The following FAM13B variants were observed in gnomAD, a reference collection of about 807,000 sequenced individuals.
FAM13B encodes the protein protein FAM13B.
In FAM13B, 60 loss-of-function variants were observed where a neutral mutation model predicts 117.3. The ratio of observed to expected loss-of-function variants is 0.51; its 90% CI spans 0.42 to 0.63. The LOEUF is 0.63. Ranked by LOEUF, FAM13B falls within the 30% of genes least tolerant of loss-of-function variation. The pLI, the probability that FAM13B is intolerant of heterozygous loss-of-function variation, is 0.00. For synonymous variants in FAM13B, 332 were observed against 356.1 expected, an observed-to-expected ratio of 0.93 and a Z score of 0.76; for missense variants, 972 against 1,091.9, an observed-to-expected ratio of 0.89 and a Z score of 1.55.
chr5:137,964,780 T>C (rs1769198848), intron 10 of FAM13B, among the ~76,000 whole-genome samples: 1 of 152,130 alleles, frequency 6.6e-6, no homozygotes, highest in Non-Finnish European at 1.5e-5. Context: ...GCCCTAGCTC[T>C]GCCTTTCTCA....
rs556199457 is a variant in FAM13B, at chr5:138,050,432, C to T, written c.-203+1446G>A. Among the ~76,000 whole-genome samples the T allele has an allele frequency of 7.2e-5, 9 of 125,030 alleles. No homozygotes were observed. In the South Asian group the frequency reaches 1.7e-3, roughly 23 times the overall value. 82.0% of individuals were successfully genotyped at this position (125,030 alleles called of 152,430 possible). A position where few individuals can be genotyped will look rare whatever the true frequency, so the allele number is the denominator to read the frequency against. On this transcript the variant is annotated intron_variant, in intron 1 of 3. Transcript: ENST00000502471. ...AGCCTAGGCAACAAGAATGAAACTC[C>T]GTCTCAAAACAAACAAACAAACAAA... is the stretch of plus-strand genomic sequence containing the variant.
At chr5:138,031,603 T>C (rs1790030684) in intron 1 of FAM13B, among the ~76,000 whole-genome samples, 1 of 151,734 alleles carries the variant, frequency 6.6e-6, no homozygotes, top group South Asian at 2.1e-4. Flanking sequence ...GAGAATCGCT[T>C]GAATCCGGGA....
At chr5:137,990,654 T>C (rs1025767310) in intron 7 of FAM13B, among the ~76,000 whole-genome samples, 1 of 151,972 alleles carries the variant, frequency 6.6e-6, no homozygotes, top group African/African-American at 2.4e-5. Context: ...TAACTAGATA[T>C]ACAAGTTTAA....
chr5:137,966,795 C>T (rs913516405), intron 10 of FAM13B, among the ~76,000 whole-genome samples: 1 of 152,084 alleles, frequency 6.6e-6, no homozygotes, highest in Admixed American at 6.5e-5. Context: ...GAGAAACACA[C>T]TCAACTGATT....
In FAM13B at chr5:138,043,579, A is replaced by G. The variant is rs559354043; in HGVS notation, c.-203+8299T>C. ...CTCAGCCTCCCAAGTAGCTGGGACT[A>G]CAGGCGCACGCCACCACGCCCGGCT... On this transcript the variant is annotated intron_variant, in intron 1 of 3. Coordinates refer to the FAM13B transcript ENST00000502471. Among the ~76,000 whole-genome samples, 358 of 151,726 alleles carry G rather than the reference A, an allele frequency of 2.4e-3. 1 individual carries two copies. The highest frequency in any genetic ancestry group is 8.3e-3 in the African/African-American group (342 of 41,354).
Position 137,942,825 on chromosome 5 carries a change from T to A in FAM13B, c.2588+50A>T, listed in dbSNP as rs565529373. On this transcript the variant is annotated intron_variant, in intron 22 of 23. Coordinates refer to ENST00000689681, the MANE Select transcript of FAM13B (RefSeq NM_001385994.1). The stretch of plus-strand genomic sequence containing the variant: ...TCATTTAACATCAAATTTCTTGGCA[T>A]ATACATTTTATTATAAAAATAGGCT... The A allele has an allele frequency of 1.3e-5, 20 of 1,518,828 alleles. No homozygotes were observed. In the East Asian group the frequency reaches 2.5e-4, roughly 19 times the overall value. The allele number at this position is 1,518,828 out of a possible 1,614,324, so 94.1% of individuals were successfully genotyped here. A position where few individuals can be genotyped will look rare whatever the true frequency, so the allele number is the denominator to read the frequency against.
Position 137,959,648 on chromosome 5 carries a change from A to C in FAM13B, c.1409T>G (p.Leu470Arg). The change falls in exon 13 of 24, where the codon CTG becomes CGG. Residue 470 changes from leucine (L) to arginine (R), a missense_variant. Transcript: ENST00000689681. ...AACVSIPHLD[L>R]KNVSDGDKWE... ...TTTATCACCATCAGAAACATTCTTC[A>C]GATCTAAATGTGGAATACTGACACA... The C allele has an allele frequency of 6.2e-6, 10 of 1,613,982 alleles. No homozygotes were observed. Among genetic ancestry groups the C allele is most frequent in the Non-Finnish European group, 6.8e-6 (8 of 1,179,856 alleles).
At chr5:137,989,812 C>T (rs1778148351) in intron 7 of FAM13B, among the ~76,000 whole-genome samples, 1 of 152,024 alleles carries the variant, frequency 6.6e-6, no homozygotes, top group South Asian at 2.1e-4. Flanking sequence ...GACAGAAAGA[C>T]ACCCTGTCTC....
intron 6 of FAM13B, among the ~76,000 whole-genome samples, chr5:138,009,381 C>A (rs1387597489): frequency 1.3e-5 from 2 of 151,782 alleles, no homozygotes; most frequent in Non-Finnish European, 2.9e-5. Flanking sequence ...TAAAGTAGAT[C>A]TAATGGGAAA....
chr5:137,953,202 A>C (rs1305518344), intron 16 of FAM13B, 134 bp downstream of exon 16: 3 of 946,440 alleles, frequency 3.2e-6, no homozygotes, highest in Non-Finnish European at 4.7e-6. Context: ...TCTCAGATCT[A>C]CATGATCACT....
At chr5:137,969,731 A>G (rs1413616951) in intron 10 of FAM13B, among the ~76,000 whole-genome samples, 12 of 152,070 alleles carry the variant, frequency 7.9e-5, no homozygotes, top group South Asian at 4.1e-4. Context: ...AGAAGAATGT[A>G]TAACTAGAAT....
At chr5:138,009,468 C>T (rs1413885337) in intron 6 of FAM13B, among the ~76,000 whole-genome samples, 1 of 151,292 alleles carries the variant, frequency 6.6e-6, no homozygotes, top group African/African-American at 2.4e-5. Flanking sequence ...ATCTGGTAAT[C>T]TAAGCAAGGA....
At chr5:138,010,349 T>A (rs1349374367) in intron 6 of FAM13B, among the ~76,000 whole-genome samples, 1 of 152,152 alleles carries the variant, frequency 6.6e-6, no homozygotes, top group Non-Finnish European at 1.5e-5. Context: ...CTAACACCTG[T>A]AATACCAACA....
intron 10 of FAM13B, among the ~76,000 whole-genome samples, chr5:137,975,787 C>A (rs1462244797): frequency 1.3e-5 from 2 of 151,980 alleles, no homozygotes; most frequent in Non-Finnish European, 2.9e-5. Flanking sequence ...ACTCCCAACC[C>A]CCTCTATGCA....
chr5:138,008,185 AT>A (rs1783013075), intron 6 of FAM13B, among the ~76,000 whole-genome samples: 1 of 152,174 alleles, frequency 6.6e-6, no homozygotes, highest in African/African-American at 2.4e-5. Flanking sequence ...CACACCTATA[AT>A]CCCAGCACTT....
Position 137,952,646 on chromosome 5 carries a change from G to C in FAM13B, c.1912C>G (p.Leu638Val). The change falls in exon 17 of 24, where the codon CTG becomes GTG. Residue 638 changes from leucine (L) to valine (V), a missense_variant. By Grantham distance (32) the Leu-to-Val change is conservative. Coordinates refer to ENST00000689681, the MANE Select transcript of FAM13B (RefSeq NM_001385994.1). Reference protein sequence around the residue: ...VLKWMTELTKLRKQIKDAKHK... With the variant: ...VLKWMTELTKVRKQIKDAKHK... The stretch of plus-strand genomic sequence containing the variant: ...AATATACCTTTAATTTGCTTCCGCA[G>C]TTTTGTAAGCTCTGTCATCCATTTT... 1 of 1,598,416 alleles carries C rather than the reference G, an allele frequency of 6.3e-7. No individual in the cohort carries two copies. The highest frequency in any genetic ancestry group is 2.2e-5 in the East Asian group (1 of 44,522).
rs1765364282 is a variant in FAM13B at position 137,952,624 on chromosome 5, A to G, written c.1930+4T>C. On this transcript the variant is annotated splice_donor_region_variant and intron_variant, in intron 17 of 23. Transcript: ENST00000689681. ...AATATATTACAAAATGGCACATAATATACCTTTAATTTGCTTCCGCAGTTT... is the reference window on the plus strand; with the variant it reads ...AATATATTACAAAATGGCACATAATGTACCTTTAATTTGCTTCCGCAGTTT... 1 of 1,573,052 alleles carries G rather than the reference A, an allele frequency of 6.4e-7. No individual in the cohort carries two copies. The highest frequency in any genetic ancestry group is 8.6e-7 in the Non-Finnish European group (1 of 1,156,800).
In FAM13B at chr5:137,985,226, A is replaced by T. The variant is rs141402864; in HGVS notation, c.1179+31T>A. On this transcript the variant is annotated intron_variant, in intron 10 of 23. Coordinates refer to ENST00000689681, the MANE Select transcript of FAM13B (RefSeq NM_001385994.1). ...AAACACATGAAGCAATCAAAGTTGT[A>T]CATCTAACACATATTTTTGACATTC... 628 of 1,603,638 alleles carry T rather than the reference A, an allele frequency of 3.9e-4. 2 individuals carry two copies. In the African/African-American group the frequency reaches 7.7e-3, roughly 20 times the overall value.
chr5:137,961,919 T>A (rs1489561629), intron 11 of FAM13B, among the ~76,000 whole-genome samples: 1 of 152,184 alleles, frequency 6.6e-6, no homozygotes, highest in Non-Finnish European at 1.5e-5. Context: ...CCAGTATTTC[T>A]CTACCATTAC....
Sources: gnomAD v4.1 joint callset for allele counts (sites outside exome capture counted in the v4.1 genomes callset) on GRCh38, gnomAD v4.1.1 for gene constraint, MANE v1.5 for transcripts, NCBI Gene and HGNC (gene_info 2026-07-23, HGNC 2026-07-21) for gene names.